SPATS1: variants seen among roughly 807,000 people sequenced by gnomAD.
SPATS1 encodes spermatogenesis-associated serine-rich protein 1.
A neutral mutation model predicts 33.6 loss-of-function variants in SPATS1; 23 were observed. The observed-to-expected ratio is 0.68, with a 90% confidence interval of 0.49 to 0.97. The LOEUF (loss-of-function observed/expected upper bound fraction) is 0.97, where lower values mean the gene tolerates loss of function less well. SPATS1 is among the 50% of genes least tolerant of loss of function. The pLI, the probability that SPATS1 is intolerant of heterozygous loss-of-function variation, is 0.00. For missense variants in SPATS1, 327 were observed against 361.0 expected (o/e 0.91, Z 0.76); for synonymous variants, 131 against 125.6 (o/e 1.04, Z -0.29).
chr6:44,351,863 A>G (rs1372388431), intron 2 of SPATS1, among the ~76,000 whole-genome samples: 2 of 152,206 alleles, frequency 1.3e-5, no homozygotes, highest in Admixed American at 6.5e-5. Context: ...AAGAACTGTG[A>G]GGGGAACCCA....
chr6:44,343,888 T>C (rs1787716262), intron 2 of SPATS1, among the ~76,000 whole-genome samples: 1 of 152,064 alleles, frequency 6.6e-6, no homozygotes, highest in Non-Finnish European at 1.5e-5. Flanking sequence ...CAAAAAGGGG[T>C]TGTGAAATAT....
chr6:44,361,515 T>G, intron 4 of SPATS1: 2 of 985,422 alleles, frequency 2.0e-6, no homozygotes, highest in Non-Finnish European at 1.2e-6. Flanking sequence ...CACAGGTACT[T>G]GTAAGACTGT....
At chr6:44,374,376 T>C (rs1037016064) in intron 7 of SPATS1, among the ~76,000 whole-genome samples, 1 of 152,242 alleles carries the variant, frequency 6.6e-6, no homozygotes, top group Non-Finnish European at 1.5e-5. Context: ...ATTGTGTCTT[T>C]TAGCATTATG....
chr6:44,367,190 C>T (rs1430131586), intron 5 of SPATS1, among the ~76,000 whole-genome samples: 3 of 152,170 alleles, frequency 2.0e-5, no homozygotes, highest in Non-Finnish European at 1.5e-5. Flanking sequence ...CGGGTTTAAG[C>T]GATTCTCCTG....
At chr6:44,343,329 T>A in intron 2 of SPATS1, 95 bp downstream of exon 2, 1 of 1,453,984 alleles carries the variant, frequency 6.9e-7, no homozygotes, top group Non-Finnish European at 9.6e-7. Flanking sequence ...CCATTTGAAG[T>A]TTAGAAGGAA....
At position 44,376,461 on chromosome 6, in the gene SPATS1, C is replaced by T. The variant is rs1328122016; in HGVS notation, c.862C>T (p.Leu288=). 6.2e-7 allele frequency: 1 copy of T among 1,605,958 alleles called. No individual in the cohort carries two copies. Among genetic ancestry groups the T allele is most frequent in the African/African-American group, 1.3e-5 (1 of 74,754 alleles). Reference sequence around the variant, plus strand: ...GCCAGCAGTGCCCTTAATGCACATGCTACACCTTTCTGGTGGGTTAAAGAA... The same window carrying T: ...GCCAGCAGTGCCCTTAATGCACATGTTACACCTTTCTGGTGGGTTAAAGAA... ...WQPAVPLMHM[L]HLSGALDFPR... Residue 288 remains leucine, a synonymous_variant, in exon 8 of 9, where the codon CTA becomes TTA. Transcript: ENST00000674044.
chr6:44,361,236 T>C (rs1788900277), intron 4 of SPATS1: 1 of 608,660 alleles, frequency 1.6e-6, no homozygotes, highest in Non-Finnish European at 2.1e-6. Context: ...TTAAAGTCAC[T>C]GTTAGCCATC....
chr6:44,362,023 AG>A (rs1287710070), intron 5 of SPATS1, 31 bp downstream of exon 5: 1 of 1,613,520 alleles, frequency 6.2e-7, no homozygotes, highest in Non-Finnish European at 8.5e-7. Flanking sequence ...TTGACTGTGC[AG>A]TCCCCGAAAA....
intron 3 of SPATS1, among the ~76,000 whole-genome samples, chr6:44,358,527 C>CT (rs984325196): frequency 2.0e-5 from 3 of 152,066 alleles, no homozygotes; most frequent in African/African-American, 4.8e-5. Flanking sequence ...ATTAAACATG[C>CT]TTTTTTTGGT....
At chr6:44,366,986 CTCCAAAG>C (rs1789287850) in intron 5 of SPATS1, among the ~76,000 whole-genome samples, 1 of 152,208 alleles carries the variant, frequency 6.6e-6, no homozygotes, top group South Asian at 2.1e-4. Context: ...GTGCGACAGA[CTCCAAAG>C]TCCAAACTCT....
At chr6:44,376,765 C>G (rs543499239) in intron 8 of SPATS1, among the ~76,000 whole-genome samples, 152 of 152,270 alleles carry the variant, frequency 1.0e-3, no homozygotes, top group African/African-American at 3.5e-3. Flanking sequence ...GTGCCACTTG[C>G]ACTCCAGCCT....
At chr6:44,362,435 G>C (rs1038605527) in intron 5 of SPATS1, among the ~76,000 whole-genome samples, 1 of 152,130 alleles carries the variant, frequency 6.6e-6, no homozygotes, top group Non-Finnish European at 1.5e-5. Flanking sequence ...TTAATTAAAG[G>C]CTATTGAAAT....
intron 5 of SPATS1, among the ~76,000 whole-genome samples, chr6:44,364,405 A>G (rs1789114500): frequency 6.6e-6 from 1 of 152,062 alleles, no homozygotes; most frequent in Non-Finnish European, 1.5e-5. Context: ...TTTTCTTGCA[A>G]TTTGTATGGT....
chr6:44,354,231 G>A (rs925236392), intron 3 of SPATS1, among the ~76,000 whole-genome samples: 1 of 151,562 alleles, frequency 6.6e-6, no homozygotes, highest in African/African-American at 2.4e-5. Flanking sequence ...CTATTCAGGA[G>A]GCTGAGTTGG....
At chr6:44,375,921 C>T (rs1233760447) in intron 7 of SPATS1, among the ~76,000 whole-genome samples, 1 of 151,920 alleles carries the variant, frequency 6.6e-6, no homozygotes, top group Non-Finnish European at 1.5e-5. Context: ...GCTTGACCAA[C>T]AAGGTGAAAC....
chr6:44,369,917 G>A (rs1001970458), intron 6 of SPATS1, 134 bp from the exon 7 acceptor site: 22 of 368,824 alleles, frequency 6.0e-5, no homozygotes, highest in African/African-American at 1.8e-4. Flanking sequence ...TAAAATCTGC[G>A]GTTCTTACAG....
In SPATS1 at chr6:44,377,286, A is replaced by G; in HGVS notation, c.*223A>G. The G allele has an allele frequency of 5.1e-6, 3 of 587,156 alleles. No homozygotes were observed. Among genetic ancestry groups the G allele is most frequent in the Non-Finnish European group, 6.1e-6 (2 of 330,084 alleles). 36.4% of individuals were successfully genotyped at this position (587,156 alleles called of 1,614,324 possible). A position where few individuals can be genotyped will look rare whatever the true frequency, so the allele number is the denominator to read the frequency against. On this transcript the variant is annotated 3_prime_UTR_variant, in exon 9 of 9. Coordinates refer to ENST00000674044, the MANE Select transcript of SPATS1 (RefSeq NM_001372081.1). The stretch of plus-strand genomic sequence containing the variant: ...GCATATCCTTCACATAGATTCTATC[A>G]TTGTTAATATTTGTTCAAACTTTCT...
chr6:44,368,516 A>G lies in SPATS1; in HGVS notation c.695+17A>G, dbSNP rs1202489428. On this transcript the variant is annotated intron_variant, in intron 6 of 8. Coordinates refer to ENST00000674044, the MANE Select transcript of SPATS1 (RefSeq NM_001372081.1). ...TTTTTCAATGTAAGTGTATGTTAAT[A>G]CTAGCATTATATAGTTAACTTTAAA... The G allele has an allele frequency of 2.5e-6, 4 of 1,607,264 alleles. No individual in the cohort carries two copies. Among genetic ancestry groups the G allele is most frequent in the Non-Finnish European group, 3.4e-6 (4 of 1,176,388 alleles).
At chr6:44,359,654 C>A (rs1788786789) in intron 3 of SPATS1, among the ~76,000 whole-genome samples, 1 of 151,962 alleles carries the variant, frequency 6.6e-6, no homozygotes, top group Admixed American at 6.6e-5. Context: ...TCTGCAGCCT[C>A]CACTTCCTGA....
Sources: allele counts gnomAD v4.1 joint callset (sites outside exome capture counted in the v4.1 genomes callset), GRCh38; gene constraint gnomAD v4.1.1; transcripts MANE v1.5; gene names NCBI Gene and HGNC (gene_info 2026-07-23, HGNC 2026-07-21).